LRRC4C: variants seen among roughly 807,000 people sequenced by gnomAD.
LRRC4C encodes the protein leucine rich repeat containing 4C.
LRRC4C carries 5 observed loss-of-function variants against 33.6 expected under a neutral mutation model. The ratio of observed to expected loss-of-function variants is 0.15; its 90% CI spans 0.08 to 0.31. The LOEUF (loss-of-function observed/expected upper bound fraction) is 0.31, where lower values mean the gene tolerates loss of function less well. Ranked by LOEUF, LRRC4C falls within the 10% of genes least tolerant of loss-of-function variation. The probability of loss-of-function intolerance (pLI) is 1.00; values close to 1 mark genes in which losing one functional copy is unlikely to be tolerated. For synonymous variants in LRRC4C, 329 were observed against 302.0 expected (o/e 1.09, Z -0.93); for missense variants, 560 against 796.7 (o/e 0.70, Z 3.58).
At chr11:40,834,903 GACAGACAGACACACACACACAC>G (rs1442257268) in intron 2 of LRRC4C, among the ~76,000 whole-genome samples, 6 of 39,056 alleles carry the variant, frequency 1.5e-4, no homozygotes, top group African/African-American at 2.7e-4. Context: ...CAGACAGACA[GACAGACAGACACACACACACAC>G]ACACACACAC....
chr11:41,013,055 C>T (rs1200870408), intron 1 of LRRC4C, among the ~76,000 whole-genome samples: 3 of 152,140 alleles, frequency 2.0e-5, no homozygotes, highest in African/African-American at 7.2e-5. Flanking sequence ...GCACTTAATA[C>T]ATAATTCACA....
chr11:40,955,979 T>A (rs1286903960), intron 1 of LRRC4C, among the ~76,000 whole-genome samples: 1 of 151,838 alleles, frequency 6.6e-6, no homozygotes, highest in East Asian at 1.9e-4. Flanking sequence ...CTTCTTCAAA[T>A]TAGAATTCAA....
At chr11:40,688,204 T>C (rs916922692) in intron 2 of LRRC4C, among the ~76,000 whole-genome samples, 1 of 152,152 alleles carries the variant, frequency 6.6e-6, no homozygotes, top group Non-Finnish European at 1.5e-5. Flanking sequence ...GGGTAGATGT[T>C]ATCACACAGA....
At chr11:40,386,318 T>C (rs1462998906) in intron 3 of LRRC4C, among the ~76,000 whole-genome samples, 1 of 152,132 alleles carries the variant, frequency 6.6e-6, no homozygotes, top group Non-Finnish European at 1.5e-5. Flanking sequence ...TAATAGAACT[T>C]CTTGACCTTA....
chr11:41,389,574 T>C (rs1458861859), intron 1 of LRRC4C, among the ~76,000 whole-genome samples: 2 of 140,172 alleles, frequency 1.4e-5, no homozygotes, highest in Non-Finnish European at 3.0e-5. Flanking sequence ...ACCAAAGATA[T>C]ACTTTCCTTA....
intron 1 of LRRC4C, among the ~76,000 whole-genome samples, chr11:40,977,268 G>C (rs988620077): frequency 1.3e-5 from 2 of 152,124 alleles, no homozygotes; most frequent in African/African-American, 4.8e-5. Context: ...GTTCCTAACA[G>C]GCCAGGGACC....
chr11:41,299,200 C>A (rs1191539183), intron 1 of LRRC4C, among the ~76,000 whole-genome samples: 3 of 152,072 alleles, frequency 2.0e-5, no homozygotes, highest in Non-Finnish European at 1.5e-5. Context: ...CTTGAGAAAT[C>A]TTCACACTGT....
chr11:40,407,279 T>C (rs192383467), intron 3 of LRRC4C, among the ~76,000 whole-genome samples: 1 of 152,246 alleles, frequency 6.6e-6, no homozygotes, highest in East Asian at 1.9e-4. Flanking sequence ...AAATATTTGC[T>C]CCTCACACAT....
intron 1 of LRRC4C, among the ~76,000 whole-genome samples, chr11:40,995,863 A>C (rs953369386): frequency 6.6e-6 from 1 of 152,258 alleles, no homozygotes; most frequent in Admixed American, 6.5e-5. Flanking sequence ...TTCATTTTTT[A>C]GTAACCTTTG....
chr11:40,849,419 T>C (rs912108269), intron 2 of LRRC4C, among the ~76,000 whole-genome samples: 1 of 152,200 alleles, frequency 6.6e-6, no homozygotes, highest in Non-Finnish European at 1.5e-5. Flanking sequence ...TGGGTGGATA[T>C]GAAATTCTAC....
chr11:41,389,229 A>ATTTTGT (rs1386153652), intron 1 of LRRC4C, among the ~76,000 whole-genome samples: 1 of 151,862 alleles, frequency 6.6e-6, no homozygotes, highest in Non-Finnish European at 1.5e-5. Context: ...ATATACATGT[A>ATTTTGT]GGTCCCACAA....
At chr11:41,022,590 C>T (rs1196895792) in intron 1 of LRRC4C, among the ~76,000 whole-genome samples, 1 of 151,778 alleles carries the variant, frequency 6.6e-6, no homozygotes, top group Non-Finnish European at 1.5e-5. Flanking sequence ...AAAAAAAAAT[C>T]CTGATATAAT....
At chr11:40,604,496 G>T (rs567854295) in intron 3 of LRRC4C, among the ~76,000 whole-genome samples, 50 of 152,012 alleles carry the variant, frequency 3.3e-4, no homozygotes, top group Non-Finnish European at 6.3e-4. Context: ...TGTCTTTACT[G>T]AGAGCTAATT....
At chr11:40,439,488 CT>C (rs1241890251) in intron 3 of LRRC4C, among the ~76,000 whole-genome samples, 5 of 144,948 alleles carry the variant, frequency 3.4e-5, no homozygotes, top group African/African-American at 1.3e-4. Flanking sequence ...GAGTCTCATT[CT>C]GTCGCCCAGG....
chr11:40,926,898 G>A (rs1404354794), intron 2 of LRRC4C, among the ~76,000 whole-genome samples: 1 of 152,136 alleles, frequency 6.6e-6, no homozygotes, highest in Non-Finnish European at 1.5e-5. Flanking sequence ...TCAGTGTTAA[G>A]GATGGTTATG....
At chr11:40,643,138 T>A (rs1942225036) in intron 3 of LRRC4C, among the ~76,000 whole-genome samples, 1 of 152,082 alleles carries the variant, frequency 6.6e-6, no homozygotes, top group East Asian at 1.9e-4. Context: ...GATTTGGAGC[T>A]GAAGAGATCA....
At chr11:41,323,802 A>T (rs2137295431) in intron 1 of LRRC4C, among the ~76,000 whole-genome samples, 1 of 152,352 alleles carries the variant, frequency 6.6e-6, no homozygotes, top group African/African-American at 2.4e-5. Flanking sequence ...AAGGAATAAA[A>T]ATATAAATTT....
intron 2 of LRRC4C, among the ~76,000 whole-genome samples, chr11:40,665,326 AT>A (rs1179566024): frequency 0.097 from 550 of 5,694 alleles, 4 homozygotes; most frequent in African/African-American, 0.12. Context: ...AAAAAAAAAA[AT>A]ATATATATAT....
chr11:41,446,084 G>A (rs1372690003), intron 1 of LRRC4C, among the ~76,000 whole-genome samples: 3 of 152,034 alleles, frequency 2.0e-5, no homozygotes, highest in East Asian at 1.9e-4. Flanking sequence ...GTGAATGAAG[G>A]TCAAGCTCCC....
Sources: allele counts gnomAD v4.1 joint callset (sites outside exome capture counted in the v4.1 genomes callset), GRCh38; gene constraint gnomAD v4.1.1; transcripts MANE v1.5; gene names NCBI Gene and HGNC (gene_info 2026-07-23, HGNC 2026-07-21).